Variants in CLN5 observed in about 807,000 individuals in gnomAD.
The protein encoded by CLN5 is bis(monoacylglycero)phosphate synthase CLN5.
Under a neutral mutation model 36.7 loss-of-function variants are expected in CLN5, and 34 were observed. That is an observed-to-expected ratio of 0.93 (90% confidence interval 0.71 to 1.23). CLN5 has a LOEUF of 1.23. Ranked by LOEUF, CLN5 falls within the 50% of genes most tolerant of loss-of-function variation. The pLI, the probability that CLN5 is intolerant of heterozygous loss-of-function variation, is 0.00. For synonymous variants in CLN5, 151 were observed against 155.1 expected (o/e 0.97, Z 0.20); for missense variants, 427 against 439.4 (o/e 0.97, Z 0.25).
intron 3 of CLN5, chr13:76,997,572 T>G (rs1423027418): frequency 6.6e-6 from 1 of 152,260 alleles, no homozygotes; most frequent in African/African-American, 2.4e-5. Context: ...GGTTGTCTAT[T>G]TACTCTGCTG....
At chr13:76,995,326 A>G in intron 2 of CLN5, 98 bp downstream of exon 2, 1 of 1,083,676 alleles carries the variant, frequency 9.2e-7, no homozygotes. Context: ...GGCTGACTTT[A>G]GATCATGTTG....
At position 76,995,176 on chromosome 13, in the gene CLN5, G is replaced by C; in HGVS notation, c.287G>C (p.Arg96Pro). The C allele has an allele frequency of 1.9e-6, 3 of 1,614,032 alleles. No homozygotes were observed. The highest frequency in any genetic ancestry group is 2.5e-6 in the Non-Finnish European group (3 of 1,179,988). ...GGTGATGATGACATTGAAGTTTTTC[G>C]ATTACAAGCCCCAGTATGGGAATTT... ...MEGDDDIEVF[R>P]LQAPVWEFKY... Residue 96 changes from arginine to proline, a missense_variant, in exon 2 of 4, where the codon CGA (arginine) becomes CCA (proline). Arg to Pro is a moderately radical substitution (Grantham distance 103). Transcript: ENST00000377453.
In CLN5 at chr13:77,001,017, T is replaced by G; in HGVS notation, c.*48T>G. 6.5e-7 allele frequency: 1 copy of G among 1,534,228 alleles called. No individual in the cohort carries two copies. The highest frequency in any genetic ancestry group is 8.9e-7 in the Non-Finnish European group (1 of 1,123,248). ...TTTTTCTCCAATCACCAGCATCTGT[T>G]TTTCAGGGGGTGATTTTACTTTTGT... On this transcript the variant is annotated 3_prime_UTR_variant, in exon 4 of 4. Transcript: ENST00000377453.
chr13:76,992,204 G>C lies in CLN5; in HGVS notation c.106G>C (p.Ala36Pro), dbSNP rs778982551. The C allele has an allele frequency of 1.8e-5, 29 of 1,603,184 alleles. 1 individual carries two copies. The Admixed American group carries it at 4.4e-4, about 24-fold the overall frequency. Reference sequence around the variant, plus strand: ...CTGGGCCCTGGCGCTGCTTTGGCTCGCGGTGGTTCCGGGCTGGTCCCGGGT... The same window carrying C: ...CTGGGCCCTGGCGCTGCTTTGGCTCCCGGTGGTTCCGGGCTGGTCCCGGGT... ...WCWALALLWL[A>P]VVPGWSRVSG... The change falls in exon 1 of 4, where the codon GCG (alanine) becomes CCG (proline). Residue 36 changes from alanine to proline, a missense_variant. Physicochemically the swap from Ala to Pro is conservative, Grantham distance 27. Coordinates refer to ENST00000377453, the MANE Select transcript of CLN5 (RefSeq NM_006493.4).
At position 76,992,258 on chromosome 13, in the gene CLN5, C is replaced by A; in HGVS notation, c.160C>A (p.Pro54Thr). 6.3e-7 allele frequency: 1 copy of A among 1,576,902 alleles called. No homozygotes were observed. The change falls in exon 1 of 4, where the codon CCG (proline) becomes ACG (threonine). Residue 54 changes from proline (P) to threonine (T), a missense_variant. Transcript: ENST00000377453. Reference protein sequence around the residue: ...VSGIPSRRHWPVPYKRFDFRP... With the variant: ...VSGIPSRRHWTVPYKRFDFRP... ...GGGCATCCCCTCCCGGCGCCACTGG[C>A]CGGTGCCCTACAAGTGAGTGCGGCG... is the stretch of plus-strand genomic sequence containing the variant.
intron 2 of CLN5, 142 bp downstream of exon 2, chr13:76,995,370 A>G (rs1039861439): frequency 2.6e-6 from 2 of 757,028 alleles, no homozygotes; most frequent in African/African-American, 3.5e-5. Context: ...ATGAGTAGTC[A>G]AAAATAGTTA....
chr13:76,994,215 A>G (rs2034227200), intron 1 of CLN5: 2 of 152,198 alleles, frequency 1.3e-5, no homozygotes, highest in Admixed American at 1.3e-4. Context: ...TGACAAAATG[A>G]CAGCCCCTGC....
At position 77,000,830 on chromosome 13, in the gene CLN5, A is replaced by T. The variant is rs1213830086; in HGVS notation, c.938A>T (p.Asp313Val). Residue 313 changes from aspartate (D) to valine (V), a missense_variant, in exon 4 of 4, where the codon GAT becomes GTT. By Grantham distance (152) the Asp-to-Val change is radical. Coordinates refer to ENST00000377453, the MANE Select transcript of CLN5 (RefSeq NM_006493.4). The part of the protein sequence containing the change: ...EFLLSLLQIF[D>V]AVIVHKQFYL... ...CTGTTGAGTCTCTTGCAAATTTTTG[A>T]TGCAGTGATTGTGCACAAACAGTTC... 2 of 1,609,234 alleles carry T rather than the reference A, an allele frequency of 1.2e-6. No homozygotes were observed. Among genetic ancestry groups the T allele is most frequent in the Non-Finnish European group, 1.7e-6 (2 of 1,178,242 alleles).
In CLN5 at chr13:77,004,795, C is replaced by T. The variant is rs1265230264; in HGVS notation, c.*3826C>T. The T allele has an allele frequency of 2.0e-5, 3 of 152,172 alleles. No homozygotes were observed. Among genetic ancestry groups the T allele is most frequent in the South Asian group, 2.1e-4 (1 of 4,832 alleles). 9.4% of individuals were successfully genotyped at this position (152,172 alleles called of 1,614,324 possible). A position where few individuals can be genotyped will look rare whatever the true frequency, so the allele number is the denominator to read the frequency against. On this transcript the variant is annotated 3_prime_UTR_variant, in exon 4 of 4. Coordinates refer to ENST00000377453, the MANE Select transcript of CLN5 (RefSeq NM_006493.4). ...GCACTAAATTGACTTAATCTTCAAT[C>T]ATACCTATTTTTTCTGATATGGTTA... is the stretch of plus-strand genomic sequence containing the variant.
At position 76,992,103 on chromosome 13, in the gene CLN5, C is replaced by T. The variant is rs146993892; in HGVS notation, c.5C>T (p.Ala2Val). The change falls in exon 1 of 4, where the codon GCG becomes GTG. Residue 2 changes from alanine (A) to valine (V), a missense_variant. By Grantham distance (64) the Ala-to-Val change is moderately conservative. Coordinates refer to ENST00000377453, the MANE Select transcript of CLN5 (RefSeq NM_006493.4). Reference protein sequence around the residue: MAQEVDTAQGAE... With the variant: MVQEVDTAQGAE... ...GGAAGTACTGGGTGCAGCCTGATGG[C>T]GCAGGAGGTAGACACGGCACAGGGC... is the stretch of plus-strand genomic sequence containing the variant. 620 of 1,611,760 alleles carry T rather than the reference C, an allele frequency of 3.8e-4. 4 individuals carry two copies. Among genetic ancestry groups the T allele is most frequent in the Middle Eastern group, 3.4e-4 (2 of 5,890 alleles).
In CLN5 at chr13:77,000,983, T is replaced by C. The variant is rs2034352406; in HGVS notation, c.*14T>C. ...TCTGGTTTATAAAACACCTTAATTC[T>C]ACTGCTCTTTTTTCTCCAATCACCA... On this transcript the variant is annotated 3_prime_UTR_variant, in exon 4 of 4. Transcript: ENST00000377453. 6.3e-7 allele frequency: 1 copy of C among 1,598,130 alleles called. No homozygotes were observed. The highest frequency in any genetic ancestry group is 8.5e-7 in the Non-Finnish European group (1 of 1,173,730).
In CLN5 at chr13:77,001,027, G is replaced by T. The variant is rs1173895296; in HGVS notation, c.*58G>T. ...ATCACCAGCATCTGTTTTTCAGGGGGTGATTTTACTTTTGTGAATTCCTTA... is the reference window on the plus strand; with the variant it reads ...ATCACCAGCATCTGTTTTTCAGGGGTTGATTTTACTTTTGTGAATTCCTTA... On this transcript the variant is annotated 3_prime_UTR_variant, in exon 4 of 4. Coordinates refer to ENST00000377453, the MANE Select transcript of CLN5 (RefSeq NM_006493.4). The T allele has an allele frequency of 2.0e-6, 3 of 1,493,562 alleles. No individual in the cohort carries two copies. In the African/African-American group the frequency reaches 4.2e-5, roughly 21 times the overall value. The allele number at this position is 1,493,562 out of a possible 1,614,324, so 92.5% of individuals were successfully genotyped here. A position where few individuals can be genotyped will look rare whatever the true frequency, so the allele number is the denominator to read the frequency against.
intron 3 of CLN5, chr13:76,996,949 CCCG>C (rs2034278039): frequency 6.6e-6 from 1 of 152,188 alleles, no homozygotes. Flanking sequence ...TCCCCCACAT[CCCG>C]CCAATATCTA....
rs1465613563 is a variant in CLN5 at position 77,001,611 on chromosome 13, C to G, written c.*642C>G. ...GTGTTCTTTAAGCATACTAACATCA[C>G]TAAATCTTAGGATTTAGGATTGCTG... On this transcript the variant is annotated 3_prime_UTR_variant, in exon 4 of 4. Coordinates refer to ENST00000377453, the MANE Select transcript of CLN5 (RefSeq NM_006493.4). 1 of 152,194 alleles carries G rather than the reference C, an allele frequency of 6.6e-6. No individual in the cohort carries two copies. Among genetic ancestry groups the G allele is most frequent in the Non-Finnish European group, 1.5e-5 (1 of 68,056 alleles). 9.4% of individuals were successfully genotyped at this position (152,194 alleles called of 1,614,324 possible).
chr13:76,995,999 T>C lies in CLN5; in HGVS notation c.437T>C (p.Phe146Ser), dbSNP rs1374423178. ...CTTTTCCAACTTGGCAACTGTACAT[T>C]TCCCCATCTCCGACCTGAAATGGAT... is the stretch of plus-strand genomic sequence containing the variant. The part of the protein sequence containing the change: ...YELFQLGNCT[F>S]PHLRPEMDAP... The change falls in exon 3 of 4, where the codon TTT (phenylalanine) becomes TCT (serine). Residue 146 changes from phenylalanine to serine, a missense_variant. By Grantham distance (155) the Phe-to-Ser change is radical. Coordinates refer to ENST00000377453, the MANE Select transcript of CLN5 (RefSeq NM_006493.4). The C allele has an allele frequency of 1.2e-6, 2 of 1,614,216 alleles. No homozygotes were observed. The highest frequency in any genetic ancestry group is 1.7e-6 in the Non-Finnish European group (2 of 1,180,036).
chr13:77,000,136 G>C (rs2034332684), intron 3 of CLN5: 1 of 156,224 alleles, frequency 6.4e-6, no homozygotes, highest in African/African-American at 2.4e-5. Context: ...GAAGCAGGAG[G>C]ATCACTTGAG....
rs1376092915 is a variant in CLN5 at position 76,996,619 on chromosome 13, G to A, written c.565+492G>A. The A allele has an allele frequency of 1.2e-5, 2 of 172,854 alleles. 1 individual carries two copies. The highest frequency in any genetic ancestry group is 2.5e-5 in the Non-Finnish European group (2 of 80,492). 10.7% of individuals were successfully genotyped at this position (172,854 alleles called of 1,614,324 possible). ...ACCATTATTCCAGGTTGCTGCAAAT[G>A]CCATTATTTCATTCCTTTTTATGGC... On this transcript the variant is annotated intron_variant, in intron 3 of 3. Coordinates refer to ENST00000377453, the MANE Select transcript of CLN5 (RefSeq NM_006493.4).
At position 77,001,503 on chromosome 13, in the gene CLN5, A is replaced by T. The variant is rs1204046588; in HGVS notation, c.*534A>T. The T allele has an allele frequency of 6.5e-6, 1 of 152,678 alleles. No homozygotes were observed. The highest frequency in any genetic ancestry group is 1.5e-5 in the Non-Finnish European group (1 of 68,430). The allele number at this position is 152,678 out of a possible 1,614,324, so 9.5% of individuals were successfully genotyped here. On this transcript the variant is annotated 3_prime_UTR_variant, in exon 4 of 4. Transcript: ENST00000377453. Reference sequence around the variant, plus strand: ...ACATTCGTTTAGACACCATAACTGGAGTGATTGTGCTTCTAGATGTGGCAA... The same window carrying T: ...ACATTCGTTTAGACACCATAACTGGTGTGATTGTGCTTCTAGATGTGGCAA...
chr13:76,993,760 G>A (rs1188793778), intron 1 of CLN5: 7 of 152,148 alleles, frequency 4.6e-5, no homozygotes, highest in East Asian at 1.9e-4. Context: ...TTTTGGGAGC[G>A]TCGTTAATAG....
Sources: gnomAD v4.1 joint callset for allele counts on GRCh38, gnomAD v4.1.1 for gene constraint, MANE v1.5 for transcripts, NCBI Gene and HGNC (gene_info 2026-07-23, HGNC 2026-07-21) for gene names.